VAMP7: variants seen among roughly 807,000 people sequenced by gnomAD.
VAMP7 encodes vesicle associated membrane protein 7.
VAMP7 carries 14 observed loss-of-function variants against 29.6 expected under a neutral mutation model. The ratio of observed to expected loss-of-function variants is 0.47; its 90% CI spans 0.31 to 0.74. The LOEUF (loss-of-function observed/expected upper bound fraction) is 0.74, where lower values mean the gene tolerates loss of function less well. VAMP7 is among the 30% of genes least tolerant of loss of function. The pLI is 0.05. For missense variants in VAMP7, 223 were observed against 262.4 expected (o/e 0.85, Z 1.04); for synonymous variants, 95 against 88.1 (o/e 1.08, Z -0.44).
intron 5 of VAMP7, among the ~76,000 whole-genome samples, chrX:155,902,281 G>A (rs2066074342): frequency 6.6e-6 from 1 of 151,820 alleles, no homozygotes; most frequent in African/African-American, 2.4e-5. Context: ...GAGACAATGG[G>A]GTTTTCTAGA....
At chrX:155,924,691 A>G (rs1288047027) in intron 6 of VAMP7, among the ~76,000 whole-genome samples, 1 of 152,164 alleles carries the variant, frequency 6.6e-6, no homozygotes, top group East Asian at 1.9e-4. Context: ...CTACTGACTG[A>G]TCGATCAGGC....
intron 5 of VAMP7, among the ~76,000 whole-genome samples, chrX:155,912,857 A>G (rs530131894): frequency 2.0e-5 from 3 of 152,244 alleles, no homozygotes; most frequent in Admixed American, 6.5e-5. Flanking sequence ...ATGATTTATA[A>G]TCCTTTGGGT....
At chrX:155,933,967 C>T (rs894297986) in intron 6 of VAMP7, among the ~76,000 whole-genome samples, 21 of 152,172 alleles carry the variant, frequency 1.4e-4, no homozygotes, top group Admixed American at 1.2e-3. Flanking sequence ...ACCCAGTAGT[C>T]ATTCAGGAGC....
chrX:155,899,413 A>T (rs2066030122), intron 4 of VAMP7, among the ~76,000 whole-genome samples: 2 of 151,960 alleles, frequency 1.3e-5, no homozygotes, highest in Admixed American at 1.3e-4. Flanking sequence ...CCATGAAACT[A>T]TTTGAGTATA....
intron 6 of VAMP7, among the ~76,000 whole-genome samples, chrX:155,924,770 A>G (rs1008578199): frequency 7.2e-5 from 11 of 152,166 alleles, no homozygotes; most frequent in African/African-American, 2.7e-4. Flanking sequence ...AGTTTACCAC[A>G]TTGATTGACT....
chrX:155,933,768 T>G (rs1307821598), intron 6 of VAMP7, among the ~76,000 whole-genome samples: 1 of 152,202 alleles, frequency 6.6e-6, no homozygotes, highest in Non-Finnish European at 1.5e-5. Context: ...CTCTTGTTCC[T>G]CTAGTTCTTT....
intron 6 of VAMP7, among the ~76,000 whole-genome samples, chrX:155,937,866 T>C (rs900396581): frequency 8.5e-5 from 13 of 152,206 alleles, no homozygotes; most frequent in Non-Finnish European, 1.6e-4. Context: ...TGGATTTGCT[T>C]GATCAGTTTT....
chrX:155,910,661 A>C (rs2066224635), intron 5 of VAMP7, among the ~76,000 whole-genome samples: 1 of 151,878 alleles, frequency 6.6e-6, no homozygotes, highest in African/African-American at 2.4e-5. Flanking sequence ...AACTGGGGTA[A>C]CATGATATCT....
chrX:155,909,508 C>T (rs1246528123), intron 5 of VAMP7, among the ~76,000 whole-genome samples: 1 of 152,096 alleles, frequency 6.6e-6, no homozygotes, highest in African/African-American at 2.4e-5. Context: ...TTCCTTCCCA[C>T]TGCTAGCTTT....
At chrX:155,884,362 G>A (rs1459941475) in intron 1 of VAMP7, among the ~76,000 whole-genome samples, 4 of 151,770 alleles carry the variant, frequency 2.6e-5, no homozygotes, top group African/African-American at 4.8e-5. Context: ...CCTGACCTTG[G>A]GTGATCCGCC....
At chrX:155,899,542 GCACACACA>G (rs34027276) in intron 4 of VAMP7, among the ~76,000 whole-genome samples, 1 of 150,446 alleles carries the variant, frequency 6.6e-6, no homozygotes, top group East Asian at 2.0e-4. Flanking sequence ...TAAATTTTAT[GCACACACA>G]CACACACGCA....
chrX:155,903,926 T>C (rs2066107505), intron 5 of VAMP7, among the ~76,000 whole-genome samples: 2 of 152,042 alleles, frequency 1.3e-5, no homozygotes, highest in South Asian at 4.2e-4. Flanking sequence ...AGCGGCAGTA[T>C]TCACAATAGC....
rs181351629 is a variant in VAMP7 at position 155,919,061 on chromosome X, T to C, written c.434-752T>C. 3.2e-4 allele frequency among the ~76,000 whole-genome samples: 49 copies of C among 152,266 alleles called. No individual in the cohort carries two copies. The East Asian group carries it at 9.1e-3, about 28-fold the overall frequency. ...GTTTTGTTTTTTTGTTGAGTCCTTA[T>C]CAGGTTTTGGTATCAGGGTAATGCT... is the stretch of plus-strand genomic sequence containing the variant. On this transcript the variant is annotated intron_variant, in intron 5 of 7. Coordinates refer to ENST00000286448, the MANE Select transcript of VAMP7 (RefSeq NM_005638.6).
At chrX:155,909,872 C>G (rs2066211708) in intron 5 of VAMP7, among the ~76,000 whole-genome samples, 1 of 152,018 alleles carries the variant, frequency 6.6e-6, no homozygotes, top group Non-Finnish European at 1.5e-5. Context: ...TTGTTACATG[C>G]AAAGACTGTG....
chrX:155,902,315 T>C (rs886812531), intron 5 of VAMP7, among the ~76,000 whole-genome samples: 9 of 151,658 alleles, frequency 5.9e-5, no homozygotes, highest in South Asian at 2.1e-4. Context: ...CATCTGCAAA[T>C]AGGGACAATT....
chrX:155,940,990 C>T (rs1398882723), intron 7 of VAMP7, among the ~76,000 whole-genome samples: 2 of 151,998 alleles, frequency 1.3e-5, no homozygotes, highest in Admixed American at 1.3e-4. Flanking sequence ...AAATCAGTCA[C>T]TTAAAGATCT....
In VAMP7 at chrX:155,881,432, A is replaced by G. The variant is rs1233729852; in HGVS notation, c.-26A>G. On this transcript the variant is annotated 5_prime_UTR_variant, in exon 1 of 8. Transcript: ENST00000286448. ...CTCCGTCCCGAGCCCGCGCGCCCTC[A>G]GAGGGTGCCCGGACAGGTAAATGGA... is the stretch of plus-strand genomic sequence containing the variant. 3 of 148,718 alleles carry G rather than the reference A, an allele frequency of 2.0e-5. No individual in the cohort carries two copies. The highest frequency in any genetic ancestry group is 5.0e-5 in the African/African-American group (2 of 40,044). The allele number at this position is 148,718 out of a possible 1,614,324, so 9.2% of individuals were successfully genotyped here.
intron 6 of VAMP7, among the ~76,000 whole-genome samples, chrX:155,939,384 T>G (rs1295057503): frequency 6.6e-6 from 1 of 152,180 alleles, no homozygotes; most frequent in Non-Finnish European, 1.5e-5. Context: ...TAAAAGAGCC[T>G]TTCTTATTGG....
At chrX:155,930,679 A>G (rs1012492390) in intron 6 of VAMP7, among the ~76,000 whole-genome samples, 3 of 150,294 alleles carry the variant, frequency 2.0e-5, no homozygotes, top group Admixed American at 2.0e-4. Flanking sequence ...TTTTCTTTTA[A>G]TTCTTTTTTA....
Sources: gnomAD v4.1 joint callset for allele counts (sites outside exome capture counted in the v4.1 genomes callset) on GRCh38, gnomAD v4.1.1 for gene constraint, MANE v1.5 for transcripts, NCBI Gene and HGNC (gene_info 2026-07-23, HGNC 2026-07-21) for gene names.